DISC1: variants seen among roughly 807,000 people sequenced by gnomAD.
DISC1 encodes disrupted in schizophrenia 1 protein.
A neutral mutation model predicts 84.5 loss-of-function variants in DISC1; 57 were observed. The ratio of observed to expected loss-of-function variants is 0.67; its 90% CI spans 0.55 to 0.84. The LOEUF is 0.84. Ranked by LOEUF, DISC1 falls within the 40% of genes least tolerant of loss-of-function variation. The pLI is 0.00. For missense variants in DISC1, 1,000 were observed against 1,057.8 expected (o/e 0.95, Z 0.76); for synonymous variants, 411 against 415.2 (o/e 0.99, Z 0.12).
At position 232,031,341 on chromosome 1, in the gene DISC1, AGAG is replaced by A. The variant is rs1028620249; in HGVS notation, c.2425+4792_2425+4794del. The stretch of plus-strand genomic sequence containing the variant: ...GAGAGAAAAGGAAAGGAAAAGGAAA[AGAG>A]GAAAGAAAAGGAAAGGGAAGGGAGA... On this transcript the variant is annotated intron_variant, in intron 12 of 12. Transcript: ENST00000439617. This position sits in a 1 kb window ranked among gnomAD's most constrained non-coding sequence, Gnocchi z 4.6. Among the ~76,000 whole-genome samples, 278 of 150,358 alleles carry A rather than the reference AGAG, an allele frequency of 1.8e-3. No homozygotes were observed. Among genetic ancestry groups the A allele is most frequent in the African/African-American group, 6.4e-3 (261 of 41,012 alleles).
chr1:232,002,595 GCACACACACA>G (rs55740228), intron 10 of DISC1, among the ~76,000 whole-genome samples: 50 of 143,734 alleles, frequency 3.5e-4, no homozygotes, highest in East Asian at 1.4e-3. Context: ...ATTATGCTGA[GCACACACACA>G]CACACACACA....
intron 9 of DISC1, among the ~76,000 whole-genome samples, chr1:231,929,684 T>C (rs1472008449): frequency 1.3e-5 from 2 of 152,218 alleles, no homozygotes; most frequent in Non-Finnish European, 2.9e-5. Context: ...ATTTGGGTCA[T>C]GAAGCCCACT....
intron 9 of DISC1, among the ~76,000 whole-genome samples, chr1:231,863,280 G>T (rs559580445): frequency 1.5e-5 from 2 of 131,398 alleles, no homozygotes; most frequent in Non-Finnish European, 3.1e-5. Context: ...GCCCGGGATG[G>T]AGTGCTGTGG....
chr1:231,884,370 A>G (rs1006284648), intron 9 of DISC1, among the ~76,000 whole-genome samples: 25 of 152,180 alleles, frequency 1.6e-4, no homozygotes, highest in Non-Finnish European at 2.5e-4. Flanking sequence ...TTACTGCATT[A>G]ATTTGCTTAG....
rs1219645854 is a variant in DISC1, at chr1:231,998,966, G to A, written c.2043-9819G>A. Among the ~76,000 whole-genome samples the A allele has an allele frequency of 6.6e-5, 10 of 152,036 alleles. 1 individual carries two copies. In the South Asian group the frequency reaches 1.2e-3, roughly 19 times the overall value. ...TTAAAGCACTTTTCTTCTTGTTTGCGAGGAAGATGTAGAAATTGAAAAGCT... is the reference window on the plus strand; with the variant it reads ...TTAAAGCACTTTTCTTCTTGTTTGCAAGGAAGATGTAGAAATTGAAAAGCT... On this transcript the variant is annotated intron_variant, in intron 10 of 12. Coordinates refer to ENST00000439617, the MANE Select transcript of DISC1 (RefSeq NM_018662.3).
At chr1:231,962,707 A>T (rs1660551356) in intron 10 of DISC1, among the ~76,000 whole-genome samples, 1 of 152,182 alleles carries the variant, frequency 6.6e-6, no homozygotes, top group African/African-American at 2.4e-5. Flanking sequence ...TGTGGGAGTT[A>T]TGAGCCAGGA....
At chr1:232,034,457 G>A (rs552188661) in intron 12 of DISC1, among the ~76,000 whole-genome samples, 1 of 152,342 alleles carries the variant, frequency 6.6e-6, no homozygotes, top group African/African-American at 2.4e-5. Context: ...TTCTGTGTTA[G>A]CGATTGTTGT....
At chr1:231,697,979 G>T (rs2065929931) in intron 2 of DISC1, among the ~76,000 whole-genome samples, 2 of 152,240 alleles carry the variant, frequency 1.3e-5, no homozygotes, top group South Asian at 4.2e-4. Flanking sequence ...ATGTCATCTA[G>T]TGCTCCTAAG....
intron 9 of DISC1, among the ~76,000 whole-genome samples, chr1:231,894,850 A>T (rs1460821861): frequency 2.7e-5 from 4 of 149,492 alleles, no homozygotes; most frequent in Non-Finnish European, 4.4e-5. Flanking sequence ...CCACACTATA[A>T]TTGCTATAGC....
At chr1:231,918,860 C>T (rs1039912620) in intron 9 of DISC1, among the ~76,000 whole-genome samples, 3 of 152,194 alleles carry the variant, frequency 2.0e-5, no homozygotes, top group East Asian at 1.9e-4. Context: ...CGCCCACCTC[C>T]GGAAACCACA....
intron 1 of DISC1, among the ~76,000 whole-genome samples, chr1:231,657,017 T>A (rs926504197): frequency 2.6e-5 from 4 of 152,248 alleles, no homozygotes; most frequent in African/African-American, 4.8e-5. Context: ...TGCACCACAT[T>A]TATTTATCCA....
intron 10 of DISC1, among the ~76,000 whole-genome samples, chr1:231,968,637 A>T (rs550874639): frequency 2.0e-5 from 3 of 150,244 alleles, no homozygotes; most frequent in Non-Finnish European, 3.0e-5. Context: ...AAGCCCTCTC[A>T]CACACACACA....
At chr1:231,641,591 C>T (rs756268010) in intron 1 of DISC1, among the ~76,000 whole-genome samples, 7 of 152,186 alleles carry the variant, frequency 4.6e-5, no homozygotes, top group Non-Finnish European at 7.3e-5. Flanking sequence ...AGAGGGTTGC[C>T]GCTGCTGGCG....
intron 1 of DISC1, among the ~76,000 whole-genome samples, chr1:231,634,581 G>T (rs977401171): frequency 1.6e-4 from 25 of 152,116 alleles, no homozygotes; most frequent in African/African-American, 5.6e-4. Flanking sequence ...TAGATTTGGG[G>T]GCCTTAAATT....
At chr1:231,866,548 C>G (rs752941934) in intron 9 of DISC1, 2 of 915,848 alleles carry the variant, frequency 2.2e-6, no homozygotes, top group South Asian at 2.6e-5. Context: ...ATGCAGAGTC[C>G]TGGACACAGA....
At chr1:231,799,161 A>T (rs929261923) in intron 7 of DISC1, among the ~76,000 whole-genome samples, 1 of 152,170 alleles carries the variant, frequency 6.6e-6, no homozygotes, top group African/African-American at 2.4e-5. Flanking sequence ...TTTTTGAAAA[A>T]CCAAAGAAAA....
chr1:231,883,208 CCATT>C (rs1176472258), intron 9 of DISC1, among the ~76,000 whole-genome samples: 10 of 152,066 alleles, frequency 6.6e-5, no homozygotes, highest in East Asian at 1.9e-4. Context: ...TCTTGAATAA[CCATT>C]CATTCATTCA....
intron 10 of DISC1, among the ~76,000 whole-genome samples, chr1:232,006,968 A>G (rs553620901): frequency 1.6e-4 from 25 of 152,318 alleles, no homozygotes; most frequent in African/African-American, 5.3e-4. Flanking sequence ...CGTACAGCTC[A>G]GCCTGTTGCT....
chr1:231,701,373 C>A (rs1314905320), intron 2 of DISC1, among the ~76,000 whole-genome samples: 1 of 152,150 alleles, frequency 6.6e-6, no homozygotes, highest in African/African-American at 2.4e-5. Context: ...CTAAATCAAC[C>A]CATTGGTAAC....
Sources: allele counts gnomAD v4.1 joint callset (sites outside exome capture counted in the v4.1 genomes callset), GRCh38; gene constraint gnomAD v4.1.1; non-coding constraint Gnocchi (gnomAD v3.1); transcripts MANE v1.5; gene names NCBI Gene and HGNC (gene_info 2026-07-23, HGNC 2026-07-21).